TTC22: variants seen among roughly 807,000 people sequenced by gnomAD.
The protein encoded by TTC22 is tetratricopeptide repeat protein 22.
In TTC22, 42 loss-of-function variants were observed where a neutral mutation model predicts 48.2. That is an observed-to-expected ratio of 0.87 (90% confidence interval 0.68 to 1.13). The LOEUF (loss-of-function observed/expected upper bound fraction) is 1.13, where lower values mean the gene tolerates loss of function less well. Among genes scored for constraint, TTC22 ranks in the 50% most tolerant of loss-of-function variants. TTC22 has a pLI of 0.00. For missense variants in TTC22, 784 were observed against 807.0 expected (o/e 0.97, Z 0.34); for synonymous variants, 345 against 365.5 (o/e 0.94, Z 0.64).
In TTC22 at chr1:54,800,593, C is replaced by T. The variant is rs1263146231; in HGVS notation, c.567+4G>A. 6.6e-7 allele frequency: 1 copy of T among 1,504,300 alleles called. No individual in the cohort carries two copies. The highest frequency in any genetic ancestry group is 2.3e-5 in the Admixed American group (1 of 43,412). The allele number at this position is 1,504,300 out of a possible 1,614,324, so 93.2% of individuals were successfully genotyped here. A position where few individuals can be genotyped will look rare whatever the true frequency, so the allele number is the denominator to read the frequency against. On this transcript the variant is annotated splice_donor_region_variant and intron_variant, in intron 1 of 6. Transcript: ENST00000371276. ...AGGGAGGTAGGGAGACAGGGGTCAC[C>T]TACCTGCTGCCCGTAGCCTAGCGCC...
intron 1 of TTC22, among the ~76,000 whole-genome samples, chr1:54,797,905 G>T (rs1192810543): frequency 6.6e-6 from 1 of 152,116 alleles, no homozygotes; most frequent in African/African-American, 2.4e-5. Context: ...CACAAGGATG[G>T]AAAATCTCTC....
Position 54,781,774 on chromosome 1 carries a change from G to C in TTC22, c.1179C>G (p.Tyr393Ter). ...GCACCGCGTCCACGCCCATATAGTA[G>C]TAGACCTGGGGTCGGGGACGCGGGG... The part of the protein sequence containing the change: ...FKAYLDIGQV[Y>*]YYMGVDAVQE... Residue 393 changes from tyrosine to a stop codon, truncating the protein, a stop_gained, in exon 7 of 7, where the codon TAC becomes TAG. Coordinates refer to ENST00000371276, the MANE Select transcript of TTC22 (RefSeq NM_001114108.2). LOFTEE classifies it high-confidence loss of function. The C allele has an allele frequency of 7.0e-7, 1 of 1,435,640 alleles. No homozygotes were observed. The highest frequency in any genetic ancestry group is 9.1e-7 in the Non-Finnish European group (1 of 1,096,410). The allele number at this position is 1,435,640 out of a possible 1,614,324, so 88.9% of individuals were successfully genotyped here. A position where few individuals can be genotyped will look rare whatever the true frequency, so the allele number is the denominator to read the frequency against.
In TTC22 at chr1:54,801,080, C is replaced by T; in HGVS notation, c.84G>A (p.Glu28=). Residue 28 remains glutamate (E), a synonymous_variant, in exon 1 of 7, where the codon GAG becomes GAA. Transcript: ENST00000371276. ...LDYLPGHFHL[E]MQLNFEPRSP... is the part of the protein sequence containing the mutation. ...AGCGCGGCTCGAAGTTCAACTGCATCTCCAGGTGAAAGTGGCCCGGGAGGT... is the reference window on the plus strand; with the variant it reads ...AGCGCGGCTCGAAGTTCAACTGCATTTCCAGGTGAAAGTGGCCCGGGAGGT... 1.2e-6 allele frequency: 2 copies of T among 1,612,628 alleles called. No individual in the cohort carries two copies. Among genetic ancestry groups the T allele is most frequent in the Non-Finnish European group, 1.7e-6 (2 of 1,179,768 alleles).
chr1:54,798,180 A>G (rs1487469846), intron 1 of TTC22, among the ~76,000 whole-genome samples: 1 of 152,198 alleles, frequency 6.6e-6, no homozygotes, highest in Non-Finnish European at 1.5e-5. Context: ...TTTAGCTGCC[A>G]TTTACTAGCT....
At chr1:54,786,913 G>T in intron 4 of TTC22, 44 bp downstream of exon 4, 1 of 1,048,558 alleles carries the variant, frequency 9.5e-7, no homozygotes, top group Non-Finnish European at 1.3e-6. Flanking sequence ...GGGGTGCCAG[G>T]CTCCTTCTCA....
chr1:54,781,481 C>G lies in TTC22; in HGVS notation c.1472G>C (p.Gly491Ala), dbSNP rs994105508. Residue 491 changes from glycine to alanine, a missense_variant, in exon 7 of 7, where the codon GGG becomes GCG. Transcript: ENST00000371276. ...AQWSQAQLSD[G>A]ELGREVDAWL... The stretch of plus-strand genomic sequence containing the variant: ...GGCGTCCACCTCGCGGCCCAGCTCC[C>G]CGTCGCTCAGCTGTGCCTGGCTCCA... 13 of 1,475,630 alleles carry G rather than the reference C, an allele frequency of 8.8e-6. No individual in the cohort carries two copies. Among genetic ancestry groups the G allele is most frequent in the Middle Eastern group, 4.5e-4 (2 of 4,424 alleles). 91.4% of individuals were successfully genotyped at this position (1,475,630 alleles called of 1,614,324 possible). A position where few individuals can be genotyped will look rare whatever the true frequency, so the allele number is the denominator to read the frequency against.
Position 54,781,638 on chromosome 1 carries a change from C to T in TTC22, c.1315G>A (p.Gly439Ser). The T allele has an allele frequency of 6.5e-7, 1 of 1,530,632 alleles. No individual in the cohort carries two copies. The highest frequency in any genetic ancestry group is 8.7e-7 in the Non-Finnish European group (1 of 1,144,176). 94.8% of individuals were successfully genotyped at this position (1,530,632 alleles called of 1,614,324 possible). Residue 439 changes from glycine (G) to serine (S), a missense_variant, in exon 7 of 7, where the codon GGC becomes AGC. Gly to Ser is a moderately conservative substitution (Grantham distance 56). Coordinates refer to ENST00000371276, the MANE Select transcript of TTC22 (RefSeq NM_001114108.2). The part of the protein sequence containing the change: ...ATLPELQLLR[G>S]KCLRIKGEDA... ...TCGCCCTTGATGCGCAGGCACTTGC[C>T]GCGCAGCAGCTGCAGCTCGGGCAGC...
At chr1:54,789,153 C>T (rs1186884680) in intron 1 of TTC22, among the ~76,000 whole-genome samples, 2 of 152,222 alleles carry the variant, frequency 1.3e-5, no homozygotes, top group African/African-American at 2.4e-5. Flanking sequence ...ATCTGGTCCC[C>T]GTTTGTCAGC....
Position 54,794,859 on chromosome 1 carries a change from G to A in TTC22, c.567+5738C>T, listed in dbSNP as rs112297564. ...GCCCCTGTTGTTTCCACCTCATCAT[G>A]CTGACTCTGTGAAGGCTGACACTGC... On this transcript the variant is annotated intron_variant, in intron 1 of 6. Coordinates refer to ENST00000371276, the MANE Select transcript of TTC22 (RefSeq NM_001114108.2). 690 of 152,558 alleles carry A rather than the reference G, an allele frequency of 4.5e-3. 1 individual carries two copies. Among genetic ancestry groups the A allele is most frequent in the Non-Finnish European group, 7.3e-3 (497 of 68,104 alleles). The allele number at this position is 152,558 out of a possible 1,614,324, so 9.5% of individuals were successfully genotyped here.
At position 54,801,001 on chromosome 1, in the gene TTC22, G is replaced by C. The variant is rs756455349; in HGVS notation, c.163C>G (p.Gln55Glu). Residue 55 changes from glutamine (Q) to glutamate (E), a missense_variant, in exon 1 of 7, where the codon CAG (glutamine) becomes GAG (glutamate). Gln to Glu is a conservative substitution (Grantham distance 29). Coordinates refer to ENST00000371276, the MANE Select transcript of TTC22 (RefSeq NM_001114108.2). ...DLKLQREGLR[Q>E]ELQLAAAPQR... is the part of the protein sequence containing the mutation. ...GGGGCGGCCGCCAGCTGGAGCTCCT[G>C]CCGCAGACCCTCCCGCTGCAGCTTC... 6.2e-6 allele frequency: 10 copies of C among 1,608,226 alleles called. No homozygotes were observed. In the Admixed American group the frequency reaches 1.0e-4, roughly 16 times the overall value.
chr1:54,787,138 A>C, intron 3 of TTC22, 63 bp from the exon 4 acceptor site: 1 of 842,298 alleles, frequency 1.2e-6, no homozygotes. Flanking sequence ...GGAAGGGGCC[A>C]TCCCCATCCT....
chr1:54,800,995 G>T lies in TTC22; in HGVS notation c.169C>A (p.Leu57Ile), dbSNP rs746391424. 8 of 1,606,826 alleles carry T rather than the reference G, an allele frequency of 5.0e-6. No homozygotes were observed. ...CGCTGCGGGGCGGCCGCCAGCTGGA[G>T]CTCCTGCCGCAGACCCTCCCGCTGC... Reference protein sequence around the residue: ...KLQREGLRQELQLAAAPQRPA... With the variant: ...KLQREGLRQEIQLAAAPQRPA... Residue 57 changes from leucine (L) to isoleucine (I), a missense_variant, in exon 1 of 7, where the codon CTC (leucine) becomes ATC (isoleucine). Transcript: ENST00000371276.
At chr1:54,800,515 C>T (rs113361048) in intron 1 of TTC22, 82 bp downstream of exon 1, 1 of 1,217,342 alleles carries the variant, frequency 8.2e-7, no homozygotes, top group African/African-American at 1.6e-5. Flanking sequence ...GTCAGGGGTA[C>T]CGGGGCATCT....
chr1:54,791,013 C>G (rs1446205914), intron 1 of TTC22, among the ~76,000 whole-genome samples: 1 of 152,176 alleles, frequency 6.6e-6, no homozygotes, highest in African/African-American at 2.4e-5. Context: ...GTGTCTGCCA[C>G]CACACCCGAC....
Position 54,781,231 on chromosome 1 carries a change from G to T in TTC22, c.*12C>A. 7.0e-7 allele frequency: 1 copy of T among 1,434,592 alleles called. No individual in the cohort carries two copies. The highest frequency in any genetic ancestry group is 9.1e-7 in the Non-Finnish European group (1 of 1,103,842). 88.9% of individuals were successfully genotyped at this position (1,434,592 alleles called of 1,614,324 possible). A position where few individuals can be genotyped will look rare whatever the true frequency, so the allele number is the denominator to read the frequency against. ...GGGGTCCCAGGGAGCCTCCGGCCTG[G>T]GCACCTGAGCCCTAGAATGAGACAG... On this transcript the variant is annotated 3_prime_UTR_variant, in exon 7 of 7. Coordinates refer to ENST00000371276, the MANE Select transcript of TTC22 (RefSeq NM_001114108.2).
chr1:54,782,200 A>G (rs1301674223), intron 6 of TTC22, 125 bp downstream of exon 6: 2 of 919,308 alleles, frequency 2.2e-6, no homozygotes, highest in African/African-American at 1.7e-5. Context: ...CGGCTGGAGG[A>G]GATGGGTACT....
At position 54,786,038 on chromosome 1, in the gene TTC22, A is replaced by T. The variant is rs777081813; in HGVS notation, c.965T>A (p.Leu322Gln). ...GAGTTCTGGATCTCGTAGGACATCC[A>T]GGGCCATGTTGCAGGTTCCAATGGC... ...DMAIGTCNMA[L>Q]DVLRDPELNW... is the part of the protein sequence containing the mutation. Residue 322 changes from leucine (L) to glutamine (Q), a missense_variant, in exon 5 of 7, where the codon CTG becomes CAG. Leu to Gln is a moderately radical substitution (Grantham distance 113). Coordinates refer to ENST00000371276, the MANE Select transcript of TTC22 (RefSeq NM_001114108.2). 3.1e-6 allele frequency: 5 copies of T among 1,614,002 alleles called. No individual in the cohort carries two copies.
Position 54,787,884 on chromosome 1 carries a change from G to T in TTC22, c.624-58C>A, listed in dbSNP as rs533728572. On this transcript the variant is annotated intron_variant, in intron 2 of 6. Transcript: ENST00000371276. ...ACCCCTCCCGGCTGTCCTGTGTGCT[G>T]CCAGCCCTGCCCAGGCCTGTGGTGG... 11 of 1,521,892 alleles carry T rather than the reference G, an allele frequency of 7.2e-6. No homozygotes were observed. In the African/African-American group the frequency reaches 1.4e-4, roughly 19 times the overall value. 94.3% of individuals were successfully genotyped at this position (1,521,892 alleles called of 1,614,324 possible).
intron 1 of TTC22, among the ~76,000 whole-genome samples, chr1:54,789,857 G>A (rs1423596605): frequency 1.3e-5 from 2 of 152,234 alleles, no homozygotes; most frequent in African/African-American, 4.8e-5. Context: ...TCACCCAGGT[G>A]GATACGGTGA....
Sources: gnomAD v4.1 joint callset for allele counts (sites outside exome capture counted in the v4.1 genomes callset) on GRCh38, gnomAD v4.1.1 for gene constraint, MANE v1.5 for transcripts, NCBI Gene and HGNC (gene_info 2026-07-23, HGNC 2026-07-21) for gene names.